The following NRG3 variants were observed in gnomAD, a reference collection of about 807,000 sequenced individuals.
The protein encoded by NRG3 is neuregulin 3, also known as pro-neuregulin-3, membrane-bound isoform.
A neutral mutation model predicts 66.9 loss-of-function variants in NRG3; 31 were observed. The ratio of observed to expected loss-of-function variants is 0.46; its 90% CI spans 0.35 to 0.63. The LOEUF is 0.63. NRG3 is among the 20% of genes least tolerant of loss of function. NRG3 has a pLI of 0.00. For missense variants in NRG3, 910 were observed against 878.9 expected, an observed-to-expected ratio of 1.04 and a Z score of -0.45; for synonymous variants, 393 against 359.4, an observed-to-expected ratio of 1.09 and a Z score of -1.06.
At chr10:82,019,250 G>T (rs142259400) in intron 1 of NRG3, among the ~76,000 whole-genome samples, 2,026 of 152,246 alleles carry the variant, frequency 0.013, 15 homozygotes, top group Non-Finnish European at 0.021. Context: ...ATTAATTTGT[G>T]TATGTTGAAC....
chr10:81,941,930 A>G (rs1848438146), intron 1 of NRG3, among the ~76,000 whole-genome samples: 1 of 152,122 alleles, frequency 6.6e-6, no homozygotes, highest in South Asian at 2.1e-4. Flanking sequence ...AAAGAAACAA[A>G]CCATTGGACT....
At chr10:82,185,717 G>C (rs2073761600) in intron 1 of NRG3, among the ~76,000 whole-genome samples, 1 of 152,118 alleles carries the variant, frequency 6.6e-6, no homozygotes, top group Non-Finnish European at 1.5e-5. Flanking sequence ...TGGACAAGCT[G>C]GTTGTCTCAT....
intron 1 of NRG3, among the ~76,000 whole-genome samples, chr10:82,148,561 G>A (rs1384738819): frequency 6.6e-6 from 1 of 151,784 alleles, no homozygotes; most frequent in Non-Finnish European, 1.5e-5. Flanking sequence ...TTAGGACAGT[G>A]GTTCTCCATA....
chr10:82,427,350 T>A (rs879288077), intron 2 of NRG3, among the ~76,000 whole-genome samples: 1 of 152,174 alleles, frequency 6.6e-6, no homozygotes, highest in Non-Finnish European at 1.5e-5. Flanking sequence ...GTGAAAGTTC[T>A]TTTTTATTCC....
chr10:82,813,442 G>A (rs2061578248), intron 3 of NRG3, among the ~76,000 whole-genome samples: 1 of 151,992 alleles, frequency 6.6e-6, no homozygotes, highest in Admixed American at 6.5e-5. Context: ...TCAAACTCCT[G>A]ACCTCAAGTG....
chr10:82,187,504 T>G (rs2073875560), intron 1 of NRG3, among the ~76,000 whole-genome samples: 1 of 152,194 alleles, frequency 6.6e-6, no homozygotes, highest in Non-Finnish European at 1.5e-5. Context: ...AAGCAAAAGT[T>G]TTCATTATTT....
chr10:82,047,004 C>T (rs4453174), intron 1 of NRG3, among the ~76,000 whole-genome samples: 93,771 of 148,120 alleles, frequency 0.63, 31,310 homozygotes, highest in South Asian at 0.87. Flanking sequence ...CATCAATGTT[C>T]ATCAAGGATA....
chr10:82,338,273 A>G (rs924958075), intron 1 of NRG3, among the ~76,000 whole-genome samples: 6 of 152,034 alleles, frequency 3.9e-5, no homozygotes, highest in Non-Finnish European at 5.9e-5. Context: ...GATCTAGTCT[A>G]TGTAATAGCA....
At chr10:82,083,001 A>G (rs555624819) in intron 1 of NRG3, among the ~76,000 whole-genome samples, 1 of 151,626 alleles carries the variant, frequency 6.6e-6, no homozygotes, top group South Asian at 2.1e-4. Flanking sequence ...GTGCAGTGGT[A>G]CAATCATAGC....
chr10:82,719,365 T>C (rs970879095), intron 2 of NRG3, among the ~76,000 whole-genome samples: 1 of 152,212 alleles, frequency 6.6e-6, no homozygotes, highest in Non-Finnish European at 1.5e-5. Context: ...TTATGTTCTA[T>C]AGATAAAGAT....
At chr10:82,957,811 A>AT (rs1850207572) in intron 5 of NRG3, among the ~76,000 whole-genome samples, 1 of 151,940 alleles carries the variant, frequency 6.6e-6, no homozygotes, top group Non-Finnish European at 1.5e-5. Context: ...GTGTATTCCC[A>AT]TTGCAACACT....
At chr10:82,607,982 G>A (rs977009412) in intron 2 of NRG3, among the ~76,000 whole-genome samples, 4 of 152,026 alleles carry the variant, frequency 2.6e-5, no homozygotes, top group Non-Finnish European at 4.4e-5. Flanking sequence ...TAACCTGACA[G>A]ATCAATAAGA....
chr10:82,754,993 T>G (rs1044546884), intron 3 of NRG3, among the ~76,000 whole-genome samples: 2 of 152,136 alleles, frequency 1.3e-5, no homozygotes, highest in African/African-American at 4.8e-5. Context: ...TGCTGAACAC[T>G]GACATCTTCT....
intron 2 of NRG3, among the ~76,000 whole-genome samples, chr10:82,658,751 T>G (rs887206188): frequency 5.3e-5 from 8 of 152,162 alleles, no homozygotes; most frequent in African/African-American, 1.9e-4. Context: ...GTGATTGAGG[T>G]TCATGATTTC....
At chr10:82,223,646 C>A (rs911942526) in intron 1 of NRG3, among the ~76,000 whole-genome samples, 2 of 122,522 alleles carry the variant, frequency 1.6e-5, no homozygotes, top group South Asian at 5.3e-4. Context: ...ACCCCAAACA[C>A]ACACACACAC....
chr10:82,464,524 C>T (rs1053147146), intron 2 of NRG3, among the ~76,000 whole-genome samples: 5 of 152,120 alleles, frequency 3.3e-5, no homozygotes, highest in Non-Finnish European at 7.3e-5. Flanking sequence ...TCCTTGCCAC[C>T]GTGGAGACAG....
At chr10:82,249,720 G>A (rs1466155682) in intron 1 of NRG3, among the ~76,000 whole-genome samples, 1 of 152,130 alleles carries the variant, frequency 6.6e-6, no homozygotes. Context: ...AAATTGAGAG[G>A]CATGCTTATG....
chr10:82,082,618 T>C (rs2065458946), intron 1 of NRG3, among the ~76,000 whole-genome samples: 2 of 152,128 alleles, frequency 1.3e-5, no homozygotes, highest in Admixed American at 6.5e-5. Flanking sequence ...ATAGGAAACA[T>C]GAGCCTGACA....
chr10:82,967,533 G>A (rs954774851), intron 6 of NRG3, among the ~76,000 whole-genome samples: 19 of 152,040 alleles, frequency 1.2e-4, no homozygotes, highest in African/African-American at 3.4e-4. Context: ...ATGGCTAGGC[G>A]GTGCATTTGG....
Sources: gnomAD v4.1 joint callset for allele counts (sites outside exome capture counted in the v4.1 genomes callset) on GRCh38, gnomAD v4.1.1 for gene constraint, MANE v1.5 for transcripts, NCBI Gene and HGNC (gene_info 2026-07-23, HGNC 2026-07-21) for gene names.